Variants in HUWE1 observed in about 807,000 individuals in gnomAD.
The protein encoded by HUWE1 is HECT, UBA and WWE domain containing E3 ubiquitin protein ligase 1.
Under a neutral mutation model 299.4 loss-of-function variants are expected in HUWE1, and 18 were observed. The observed-to-expected ratio is 0.06, with a 90% CI of 0.04 to 0.09. The LOEUF (loss-of-function observed/expected upper bound fraction) is 0.09. Among genes scored for constraint, HUWE1 ranks in the 10% least tolerant of loss-of-function variants. The probability of loss-of-function intolerance (pLI) is 1.00; values close to 1 mark genes in which losing one functional copy is unlikely to be tolerated. For synonymous variants in HUWE1, 1,317 were observed against 1,286.1 expected, an observed-to-expected ratio of 1.02 and a Z score of -0.51; for missense variants, 1,832 against 3,462.3, an observed-to-expected ratio of 0.53 and a Z score of 11.82.
chrX:53,627,643 G>T, intron 16 of HUWE1, 96 bp downstream of exon 16: 1 of 896,230 alleles, frequency 1.1e-6, no homozygotes, highest in Non-Finnish European at 1.6e-6. Flanking sequence ...AGAAACAGAA[G>T]AGACTGTAAG....
At chrX:53,623,273 TTC>T (rs2066261365) in intron 19 of HUWE1, among the ~76,000 whole-genome samples, 1 of 111,498 alleles carries the variant, frequency 9.0e-6, no homozygotes, top group East Asian at 2.8e-4. Flanking sequence ...GTGTATCCTT[TTC>T]TCTTTCTCTC....
At position 53,645,401 on chromosome X, in the gene HUWE1, T is replaced by C. The variant is rs781837324; in HGVS notation, c.414A>G (p.Leu138=). 8.3e-6 allele frequency: 10 copies of C among 1,206,565 alleles called. No homozygotes were observed. In the African/African-American group the frequency reaches 1.4e-4, roughly 17 times the overall value. The change falls in exon 7 of 84, where the codon CTA becomes CTG. Residue 138 remains leucine, a synonymous_variant. Coordinates refer to ENST00000262854, the MANE Select transcript of HUWE1 (RefSeq NM_031407.7). ...MQVVLAVLNL[L]YVFSKRSNYI... is the part of the protein sequence containing the mutation. Reference sequence around the variant, plus strand: ...AGTTTGATCTTTTGCTAAATACATATAGGAGATTGAGGACTGCCAGCACCA... The same window carrying C: ...AGTTTGATCTTTTGCTAAATACATACAGGAGATTGAGGACTGCCAGCACCA...
chrX:53,568,839 A>G lies in HUWE1; in HGVS notation c.6560T>C (p.Met2187Thr). The G allele has an allele frequency of 8.3e-7, 1 of 1,206,903 alleles. No homozygotes were observed. Among genetic ancestry groups the G allele is most frequent in the Non-Finnish European group, 1.1e-6 (1 of 892,701 alleles). The change falls in exon 49 of 84, where the codon ATG becomes ACG. Residue 2187 changes from methionine to threonine, a missense_variant. Met to Thr is a moderately conservative substitution (Grantham distance 81). Transcript: ENST00000262854. Reference protein sequence around the residue: ...QAVMCIISTIMESCPSTSSFY... With the variant: ...QAVMCIISTITESCPSTSSFY... Reference sequence around the variant, plus strand: ...GCTGGAGGTGGAGGGGCAGGACTCCATGATAGTACTGATGATACACATCAC... The same window carrying G: ...GCTGGAGGTGGAGGGGCAGGACTCCGTGATAGTACTGATGATACACATCAC...
At chrX:53,588,870 A>C (rs1217725394) in intron 36 of HUWE1, among the ~76,000 whole-genome samples, 2 of 112,147 alleles carry the variant, frequency 1.8e-5, no homozygotes, top group Non-Finnish European at 3.8e-5. Flanking sequence ...CTTTCATTTT[A>C]TCTCTCTCTC....
At chrX:53,575,923 A>G in intron 44 of HUWE1, 135 bp from the exon 45 acceptor site, 1 of 636,073 alleles carries the variant, frequency 1.6e-6, no homozygotes, top group African/African-American at 2.2e-5. Context: ...TATTACAGAT[A>G]ATGTTAGAGT....
chrX:53,586,720 T>C (rs1165371703), intron 38 of HUWE1, 62 bp downstream of exon 38: 1 of 1,194,077 alleles, frequency 8.4e-7, no homozygotes, highest in African/African-American at 1.8e-5. Flanking sequence ...GAAGAGTGCC[T>C]GATTCAGGCC....
intron 26 of HUWE1, 55 bp from the exon 27 acceptor site, chrX:53,603,556 A>T (rs951750333): frequency 2.5e-4 from 213 of 843,014 alleles, no homozygotes; most frequent in Non-Finnish European, 3.2e-4. Context: ...AATTATACTT[A>T]AAAAAAAAAA....
intron 46 of HUWE1, 38 bp from the exon 47 acceptor site, chrX:53,574,002 TG>T: frequency 9.2e-7 from 1 of 1,091,949 alleles, no homozygotes; most frequent in East Asian, 3.0e-5. Flanking sequence ...AATTCCACAC[TG>T]GAACACTGGC....
chrX:53,569,504 A>T, intron 48 of HUWE1, 112 bp downstream of exon 48: 1 of 683,005 alleles, frequency 1.5e-6, no homozygotes, highest in Non-Finnish European at 2.4e-6. Context: ...CAGAGAGTAT[A>T]TGATGCCAGT....
intron 7 of HUWE1, among the ~76,000 whole-genome samples, chrX:53,636,484 G>A (rs1557026474): frequency 8.9e-6 from 1 of 112,685 alleles, no homozygotes. Flanking sequence ...CAGCCAGTGG[G>A]AGCCCGAGGC....
intron 19 of HUWE1, among the ~76,000 whole-genome samples, chrX:53,620,396 AT>A (rs1164691806): frequency 9.1e-6 from 1 of 110,342 alleles, no homozygotes; most frequent in Non-Finnish European, 1.9e-5. Context: ...GCGCACCAGC[AT>A]GCCCTGCAAA....
intron 4 of HUWE1, among the ~76,000 whole-genome samples, chrX:53,650,004 C>T (rs2068345101): frequency 8.9e-6 from 1 of 111,798 alleles, no homozygotes; most frequent in Admixed American, 9.5e-5. Context: ...TTGGGGCTTG[C>T]CAAAAGCACA....
chrX:53,610,686 G>C (rs2065404695), intron 23 of HUWE1, among the ~76,000 whole-genome samples: 1 of 111,963 alleles, frequency 8.9e-6, no homozygotes, highest in Admixed American at 9.4e-5. Flanking sequence ...GCTTCCTCCA[G>C]CTTTTGAGGA....
intron 8 of HUWE1, 52 bp downstream of exon 8, chrX:53,634,184 A>C: frequency 5.2e-6 from 5 of 960,625 alleles, no homozygotes; most frequent in Non-Finnish European, 7.5e-6. Context: ...TAAGGTTCAC[A>C]GAGAGGCCAC....
chrX:53,555,276 T>TCCTC (rs1473638807), intron 60 of HUWE1, among the ~76,000 whole-genome samples: 5 of 111,949 alleles, frequency 4.5e-5, no homozygotes, highest in Non-Finnish European at 9.4e-5. Flanking sequence ...ATCCTATTGA[T>TCCTC]CCTCCCACTT....
At position 53,628,568 on chromosome X, in the gene HUWE1, A is replaced by G. The variant is rs782645158; in HGVS notation, c.1167T>C (p.Phe389=). 42 of 1,164,101 alleles carry G rather than the reference A, an allele frequency of 3.6e-5. No homozygotes were observed. In the South Asian group the frequency reaches 7.4e-4, roughly 21 times the overall value. ...PHQFATALFS[F]LYHLASYDAG... ...CATCGTAGCTGGCCAGATGGTATAA[A>G]AAAGAGAAGAGAGCAGTGGCAAACT... The change falls in exon 15 of 84, where the codon TTT becomes TTC. Residue 389 remains phenylalanine (F), a synonymous_variant. Transcript: ENST00000262854.
At chrX:53,678,385 A>G (rs1273118212) in intron 3 of HUWE1, among the ~76,000 whole-genome samples, 1 of 111,985 alleles carries the variant, frequency 8.9e-6, no homozygotes, top group Non-Finnish European at 1.9e-5. Flanking sequence ...TCCTGACATT[A>G]ACATATATAA....
Position 53,561,815 on chromosome X carries a change from T to C in HUWE1, c.7448A>G (p.Glu2483Gly). 1 of 1,211,442 alleles carries C rather than the reference T, an allele frequency of 8.3e-7. No individual in the cohort carries two copies. Among genetic ancestry groups the C allele is most frequent in the Non-Finnish European group, 1.1e-6 (1 of 895,427 alleles). Residue 2483 changes from glutamate (E) to glycine (G), a missense_variant, in exon 55 of 84, where the codon GAG (glutamate) becomes GGG (glycine). Transcript: ENST00000262854. ...DMNASPLVRF[E>G]RFDREDDLII... Reference sequence around the variant, plus strand: ...GAGATCATCCTCCCGGTCAAAGCGCTCAAATCGGACCAAGGGAGAAGCGTT... The same window carrying C: ...GAGATCATCCTCCCGGTCAAAGCGCCCAAATCGGACCAAGGGAGAAGCGTT...
Position 53,546,743 on chromosome X carries a change from G to T in HUWE1, c.10719C>A (p.Ser3573=), listed in dbSNP as rs781970355. 9 of 1,209,477 alleles carry T rather than the reference G, an allele frequency of 7.4e-6. No homozygotes were observed. The highest frequency in any genetic ancestry group is 1.8e-5 in the African/African-American group (1 of 57,142). Residue 3573 remains serine, a synonymous_variant, in exon 69 of 84, where the codon TCC becomes TCA. Transcript: ENST00000262854. ...GTAGCTGGTTTTCAGTGAGGCCAGAGGACACCATCTTAAAGTCTGTACTGC... is the reference window on the plus strand; with the variant it reads ...GTAGCTGGTTTTCAGTGAGGCCAGATGACACCATCTTAAAGTCTGTACTGC... ...GSSSTDFKMV[S]SGLTENQLQL...
Sources: gnomAD v4.1 joint callset for allele counts (sites outside exome capture counted in the v4.1 genomes callset) on GRCh38, gnomAD v4.1.1 for gene constraint, MANE v1.5 for transcripts, NCBI Gene and HGNC (gene_info 2026-07-23, HGNC 2026-07-21) for gene names.